Variants in C1QTNF7 observed in about 807,000 individuals in gnomAD.
The protein encoded by C1QTNF7 is complement C1q tumor necrosis factor-related protein 7.
A neutral mutation model predicts 19.6 loss-of-function variants in C1QTNF7; 15 were observed. The observed-to-expected ratio is 0.76, with a 90% CI of 0.51 to 1.18. The LOEUF (loss-of-function observed/expected upper bound fraction) is 1.18. Among genes scored for constraint, C1QTNF7 ranks in the 50% most tolerant of loss-of-function variants. The pLI is 0.00. For synonymous variants in C1QTNF7, 142 were observed against 137.5 expected (o/e 1.03, Z -0.23); for missense variants, 324 against 359.7 (o/e 0.90, Z 0.80).
intron 1 of C1QTNF7, among the ~76,000 whole-genome samples, chr4:15,347,971 T>C (rs1019767021): frequency 6.6e-6 from 1 of 152,178 alleles, no homozygotes; most frequent in African/African-American, 2.4e-5. Context: ...GTTACTCTAG[T>C]TCTCTGAGCT....
At chr4:15,432,694 C>A (rs2108936054) in intron 1 of C1QTNF7, among the ~76,000 whole-genome samples, 1 of 152,334 alleles carries the variant, frequency 6.6e-6, no homozygotes, top group African/African-American at 2.4e-5. Flanking sequence ...CGTGCCCAGC[C>A]TGTTCCTCAA....
At chr4:15,428,512 T>C (rs1712156299) in intron 1 of C1QTNF7, among the ~76,000 whole-genome samples, 1 of 152,136 alleles carries the variant, frequency 6.6e-6, no homozygotes, top group Non-Finnish European at 1.5e-5. Flanking sequence ...TGTAGACTAG[T>C]CTCTGTCCTA....
intron 1 of C1QTNF7, among the ~76,000 whole-genome samples, chr4:15,359,290 A>G (rs1717256353): frequency 6.6e-6 from 1 of 152,194 alleles, no homozygotes; most frequent in South Asian, 2.1e-4. Flanking sequence ...AGACCACAGA[A>G]AAAGGGAAAG....
At position 15,340,204 on chromosome 4, in the gene C1QTNF7, C is replaced by T. The variant is rs1716490975; in HGVS notation, c.10C>T (p.Gln4Ter). The change falls in exon 1 of 3, where the codon CAA (glutamine) becomes TAA (stop). Residue 4 changes from glutamine (Q) to a stop codon, truncating the protein, a stop_gained. Transcript: ENST00000295297. LOFTEE classifies it high-confidence loss of function. ...AAGTTTGATATCAGCAATGTCCAGACAAGGTAAGCTACCATTTTCACTGCA... is the reference window on the plus strand; with the variant it reads ...AAGTTTGATATCAGCAATGTCCAGATAAGGTAAGCTACCATTTTCACTGCA... 3 of 1,551,524 alleles carry T rather than the reference C, an allele frequency of 1.9e-6. No homozygotes were observed. The highest frequency in any genetic ancestry group is 2.6e-6 in the Non-Finnish European group (3 of 1,146,956).
At chr4:15,379,934 T>G (rs1718078202) in intron 1 of C1QTNF7, among the ~76,000 whole-genome samples, 1 of 152,186 alleles carries the variant, frequency 6.6e-6, no homozygotes, top group Non-Finnish European at 1.5e-5. Context: ...CTATTCTTCT[T>G]CCCCTAACCC....
chr4:15,370,568 A>G (rs1005124887), intron 1 of C1QTNF7, among the ~76,000 whole-genome samples: 1 of 152,176 alleles, frequency 6.6e-6, no homozygotes, highest in Non-Finnish European at 1.5e-5. Flanking sequence ...GATGGTGCTG[A>G]GTTGAAAACA....
At chr4:15,395,656 G>C (rs1453789219) in intron 1 of C1QTNF7, among the ~76,000 whole-genome samples, 1 of 152,114 alleles carries the variant, frequency 6.6e-6, no homozygotes, top group African/African-American at 2.4e-5. Context: ...AATAGAGAAA[G>C]GCAGGGCCGA....
intron 1 of C1QTNF7, among the ~76,000 whole-genome samples, chr4:15,432,716 A>G (rs1194816600): frequency 6.6e-6 from 1 of 152,138 alleles, no homozygotes; most frequent in Non-Finnish European, 1.5e-5. Flanking sequence ...TCTGATAAGG[A>G]TTTTTACGGA....
At position 15,442,309 on chromosome 4, in the gene C1QTNF7, G is replaced by A. The variant is rs757110214; in HGVS notation, c.380G>A (p.Arg127Lys). ...GGTCCTCCTGGACCAAAGGGAGACA[G>A]AGGAGAACAAGGGGACCCGGGGCTG... ...PIGPPGPKGD[R>K]GEQGDPGLPG... Residue 127 changes from arginine (R) to lysine (K), a missense_variant, in exon 3 of 3, where the codon AGA (arginine) becomes AAA (lysine). Physicochemically the swap from Arg to Lys is conservative, Grantham distance 26 (BLOSUM62 2). Coordinates refer to ENST00000444304, the MANE Select transcript of C1QTNF7 (RefSeq NM_031911.5). 2 of 1,614,044 alleles carry A rather than the reference G, an allele frequency of 1.2e-6. No individual in the cohort carries two copies. Among genetic ancestry groups the A allele is most frequent in the African/African-American group, 1.3e-5 (1 of 74,910 alleles).
At chr4:15,360,873 G>A (rs577426828) in intron 1 of C1QTNF7, among the ~76,000 whole-genome samples, 8 of 152,252 alleles carry the variant, frequency 5.3e-5, no homozygotes, top group East Asian at 1.9e-4. Flanking sequence ...TTACCTACCA[G>A]AAATAGCATC....
chr4:15,373,540 C>T (rs561101987), intron 1 of C1QTNF7, among the ~76,000 whole-genome samples: 1 of 152,302 alleles, frequency 6.6e-6, no homozygotes, highest in Admixed American at 6.5e-5. Flanking sequence ...GAGGTAAGTG[C>T]AATGGGACAG....
At chr4:15,360,782 A>T (rs575377465) in intron 1 of C1QTNF7, among the ~76,000 whole-genome samples, 1 of 152,318 alleles carries the variant, frequency 6.6e-6, no homozygotes, top group East Asian at 1.9e-4. Flanking sequence ...GGGGCTTGCA[A>T]ATAAATTTTA....
intron 1 of C1QTNF7, among the ~76,000 whole-genome samples, chr4:15,347,166 C>T (rs1307199414): frequency 1.3e-5 from 2 of 152,142 alleles, no homozygotes; most frequent in African/African-American, 4.8e-5. Context: ...CCTGTTTGTC[C>T]TTGGGGCTGA....
intron 1 of C1QTNF7, among the ~76,000 whole-genome samples, chr4:15,401,228 G>C (rs1160169289): frequency 6.6e-6 from 1 of 152,124 alleles, no homozygotes. Context: ...CTCTGATGAG[G>C]AGACCATGTC....
chr4:15,442,606 GA>G lies in C1QTNF7; in HGVS notation c.680del (p.Asn227ThrfsTer54). ...YRIKTFDANTGNHDVASGSTV... is the reference protein window; with the variant it reads ...YRIKTFDANTXNHDVASGSTV... ...ATAAAGACCTTCGACGCCAACACAG[GA>G]AACCATGATGTGGCTTCGGGGTCCA... On this transcript the variant is annotated frameshift_variant, in exon 3 of 3. Coordinates refer to ENST00000444304, the MANE Select transcript of C1QTNF7 (RefSeq NM_031911.5). LOFTEE classifies it high-confidence loss of function. 6.2e-7 allele frequency: 1 copy of G among 1,614,186 alleles called. No individual in the cohort carries two copies. Among genetic ancestry groups the G allele is most frequent in the South Asian group, 1.1e-5 (1 of 91,086 alleles).
chr4:15,430,077 C>A (rs1399353288), intron 1 of C1QTNF7, among the ~76,000 whole-genome samples: 1 of 152,132 alleles, frequency 6.6e-6, no homozygotes, highest in Non-Finnish European at 1.5e-5. Flanking sequence ...GAACAAAGGG[C>A]TCCATGACTA....
chr4:15,410,024 T>C (rs1057055194), intron 1 of C1QTNF7, among the ~76,000 whole-genome samples: 21 of 152,206 alleles, frequency 1.4e-4, no homozygotes, highest in African/African-American at 3.4e-4. Context: ...AGCCAGAAAG[T>C]GTATGTGCTA....
At chr4:15,349,036 A>G (rs1343418891) in intron 1 of C1QTNF7, among the ~76,000 whole-genome samples, 1 of 152,172 alleles carries the variant, frequency 6.6e-6, no homozygotes, top group East Asian at 1.9e-4. Context: ...TACACATGAG[A>G]CCCAAAGCCC....
At chr4:15,340,312 G>A in intron 1 of C1QTNF7, 2 of 1,348,866 alleles carry the variant, frequency 1.5e-6, no homozygotes, top group Non-Finnish European at 2.1e-6. Flanking sequence ...AAAGAAATGG[G>A]GGAACTTGTA....
Sources: allele counts gnomAD v4.1 joint callset (sites outside exome capture counted in the v4.1 genomes callset), GRCh38; gene constraint gnomAD v4.1.1; transcripts MANE v1.5; gene names NCBI Gene and HGNC (gene_info 2026-07-23, HGNC 2026-07-21).